The following SRGAP2B variants were observed in gnomAD, a reference collection of about 807,000 sequenced individuals.
SRGAP2B encodes SLIT-ROBO Rho GTPase activating protein 2B.
In SRGAP2B, 9 loss-of-function variants were observed where a neutral mutation model predicts 22.2. The ratio of observed to expected loss-of-function variants is 0.41; its 90% CI spans 0.24 to 0.71. The LOEUF is 0.71. SRGAP2B is among the 30% of genes least tolerant of loss of function. SRGAP2B has a pLI of 0.35. For missense variants in SRGAP2B, 114 were observed against 235.8 expected, an observed-to-expected ratio of 0.48 and a Z score of 3.38; for synonymous variants, 36 against 87.4, an observed-to-expected ratio of 0.41 and a Z score of 3.28.
intron 5 of SRGAP2B, among the ~76,000 whole-genome samples, chr1:144,908,269 T>C (rs1663132470): frequency 6.6e-6 from 1 of 150,384 alleles, no homozygotes; most frequent in Non-Finnish European, 1.5e-5. Context: ...GAAAACGTTA[T>C]GAATAAACAT....
intron 2 of SRGAP2B, among the ~76,000 whole-genome samples, chr1:145,026,379 A>C (rs1439485826): frequency 1.7e-5 from 1 of 57,390 alleles, no homozygotes; most frequent in Non-Finnish European, 3.6e-5. Flanking sequence ...AAAAGAGAAA[A>C]ACGAAAAATA....
In SRGAP2B at chr1:144,944,233, T is replaced by TA. The variant is rs587720485; in HGVS notation, c.423+11205dup. 6.6e-3 allele frequency among the ~76,000 whole-genome samples: 992 copies of TA among 149,968 alleles called. 49 individuals carry two copies. Among genetic ancestry groups the TA allele is most frequent in the African/African-American group, 0.023 (934 of 39,982 alleles). On this transcript the variant is annotated intron_variant, in intron 4 of 9. Coordinates refer to ENST00000612199, the Ensembl canonical transcript of SRGAP2B. Reference sequence around the variant, plus strand: ...ATGCAATAAAAGATTAGTAGGCATGTAAAAAAAAGTCAAGAGGAAAATCAA... The same window carrying TA: ...ATGCAATAAAAGATTAGTAGGCATGTAAAAAAAAAGTCAAGAGGAAAATCAA...
At chr1:144,979,752 C>T (rs1455504700) in intron 3 of SRGAP2B, among the ~76,000 whole-genome samples, 2 of 151,458 alleles carry the variant, frequency 1.3e-5, no homozygotes, top group Non-Finnish European at 2.9e-5. Context: ...CTCCCACTCT[C>T]ACCATGTGAC....
At chr1:145,022,726 C>T (rs1234977570) in intron 2 of SRGAP2B, among the ~76,000 whole-genome samples, 1 of 150,570 alleles carries the variant, frequency 6.6e-6, no homozygotes, top group East Asian at 1.9e-4. Flanking sequence ...ACTAGAATTG[C>T]ACTTGCTGCT....
At chr1:144,920,458 G>A (rs1359288614) in intron 4 of SRGAP2B, among the ~76,000 whole-genome samples, 3 of 150,392 alleles carry the variant, frequency 2.0e-5, no homozygotes, top group African/African-American at 7.5e-5. Context: ...TTTTTGTAGA[G>A]ATGGGATCTC....
intron 3 of SRGAP2B, among the ~76,000 whole-genome samples, chr1:144,975,181 T>A (rs1194017081): frequency 6.7e-6 from 1 of 149,448 alleles, no homozygotes; most frequent in Admixed American, 6.6e-5. Context: ...GAGAAAAGGT[T>A]TGGCAGTGAG....
At chr1:144,980,016 A>C (rs1326268155) in intron 3 of SRGAP2B, among the ~76,000 whole-genome samples, 2 of 150,640 alleles carry the variant, frequency 1.3e-5, no homozygotes, top group Non-Finnish European at 2.9e-5. Context: ...CCATTACCGG[A>C]GAAAACAGGA....
intron 4 of SRGAP2B, among the ~76,000 whole-genome samples, chr1:144,926,944 TTTTTTTC>T (rs1664778131): frequency 2.1e-5 from 1 of 48,694 alleles, no homozygotes; most frequent in Admixed American, 2.4e-4. Context: ...AGATCTATAT[TTTTTTTC>T]TTTTTTCTTT....
chr1:144,975,868 CTTTTTTTTTTTTTT>C (rs56268353), intron 3 of SRGAP2B, among the ~76,000 whole-genome samples: 2 of 27,338 alleles, frequency 7.3e-5, no homozygotes, highest in African/African-American at 4.3e-4. Flanking sequence ...GTTAGTAATT[CTTTTTTTTTTTTTT>C]TTTTTTTTTG....
chr1:144,967,206 C>A (rs1488688910), intron 3 of SRGAP2B, among the ~76,000 whole-genome samples: 3 of 119,658 alleles, frequency 2.5e-5, no homozygotes, highest in Non-Finnish European at 5.0e-5. Flanking sequence ...CAGCACCACA[C>A]CACACCTATT....
At chr1:144,974,062 G>C (rs1188705544) in intron 3 of SRGAP2B, among the ~76,000 whole-genome samples, 2 of 151,036 alleles carry the variant, frequency 1.3e-5, no homozygotes, top group East Asian at 3.9e-4. Flanking sequence ...GATTTTAAAA[G>C]GGTATAAACG....
rs1553610065 is a variant in SRGAP2B, at chr1:144,955,402, T to C, written c.423+37A>G. The stretch of plus-strand genomic sequence containing the variant: ...AGGATTTTAAAAATTGTGTCATTGC[T>C]CCACCCAAGAACCTCTGTGAAGAAA... On this transcript the variant is annotated intron_variant, in intron 4 of 9. Transcript: ENST00000612199. The C allele has an allele frequency of 3.8e-6, 6 of 1,563,242 alleles. No homozygotes were observed. In the East Asian group the frequency reaches 1.4e-4, roughly 36 times the overall value.
chr1:144,925,169 A>AT (rs1180890100), intron 4 of SRGAP2B, among the ~76,000 whole-genome samples: 1 of 149,664 alleles, frequency 6.7e-6, no homozygotes, highest in East Asian at 2.0e-4. Flanking sequence ...TGCCTGGATA[A>AT]TTTTTTGTAT....
chr1:144,963,983 A>G (rs1233140498), intron 3 of SRGAP2B, among the ~76,000 whole-genome samples: 3 of 151,208 alleles, frequency 2.0e-5, no homozygotes, highest in South Asian at 4.2e-4. Context: ...CATGGCTCAT[A>G]ACAACAATGA....
intron 3 of SRGAP2B, among the ~76,000 whole-genome samples, chr1:144,994,532 C>A (rs1462691331): frequency 1.6e-5 from 2 of 127,656 alleles, no homozygotes; most frequent in African/African-American, 3.3e-5. Context: ...CTACTATTTA[C>A]TAGGGGTGTG....
chr1:145,089,493 A>G (rs1653774519), intron 2 of SRGAP2B, among the ~76,000 whole-genome samples: 1 of 147,302 alleles, frequency 6.8e-6, no homozygotes, highest in Non-Finnish European at 1.5e-5. Flanking sequence ...AGAAAGTCCC[A>G]TGAGATGAGG....
intron 2 of SRGAP2B, among the ~76,000 whole-genome samples, chr1:145,024,756 CAT>C (rs1262195197): frequency 1.7e-5 from 2 of 115,904 alleles, no homozygotes; most frequent in Non-Finnish European, 3.5e-5. Flanking sequence ...TTCTGAAAGA[CAT>C]AGAATTTTCA....
intron 3 of SRGAP2B, among the ~76,000 whole-genome samples, chr1:144,970,569 G>A (rs1236535732): frequency 1.8e-4 from 22 of 121,656 alleles, no homozygotes; most frequent in African/African-American, 7.3e-4. Context: ...AGTGGGTGCA[G>A]CGCACCAGCA....
chr1:144,994,567 T>TGTGAGAGAGAGA (rs72366347), intron 3 of SRGAP2B, among the ~76,000 whole-genome samples: 4 of 122,428 alleles, frequency 3.3e-5, no homozygotes, highest in East Asian at 2.4e-4. Context: ...TGTGTGTGTG[T>TGTGAGAGAGAGA]GAGAGAGAGA....
Sources: allele counts gnomAD v4.1 joint callset (sites outside exome capture counted in the v4.1 genomes callset), GRCh38; gene constraint gnomAD v4.1.1; transcripts MANE v1.5; gene names NCBI Gene and HGNC (gene_info 2026-07-23, HGNC 2026-07-21).